Variants in SMARCC1 observed in about 807,000 individuals in gnomAD.
SMARCC1 encodes SWI/SNF complex subunit SMARCC1.
SMARCC1 carries 43 observed loss-of-function variants against 147.4 expected under a neutral mutation model. The ratio of observed to expected loss-of-function variants is 0.29; its 90% CI spans 0.23 to 0.38. The LOEUF (loss-of-function observed/expected upper bound fraction) is 0.38, where lower values mean the gene tolerates loss of function less well. Among genes scored for constraint, SMARCC1 ranks in the 10% least tolerant of loss-of-function variants. The pLI, the probability that SMARCC1 is intolerant of heterozygous loss-of-function variation, is 1.00. For synonymous variants in SMARCC1, 495 were observed against 484.4 expected (o/e 1.02, Z -0.29); for missense variants, 1,119 against 1,381.1 (o/e 0.81, Z 3.01).
At chr3:47,650,980 C>T (rs970014136) in intron 21 of SMARCC1, among the ~76,000 whole-genome samples, 3 of 152,004 alleles carry the variant, frequency 2.0e-5, no homozygotes, top group Non-Finnish European at 2.9e-5. Context: ...TATTCTCAAT[C>T]GAAAAGTTAC....
At chr3:47,754,632 T>G (rs942149341) in intron 2 of SMARCC1, among the ~76,000 whole-genome samples, 12 of 152,260 alleles carry the variant, frequency 7.9e-5, no homozygotes, top group African/African-American at 2.9e-4. Context: ...GTAACACGCA[T>G]TATTTTAAAT....
intron 26 of SMARCC1, among the ~76,000 whole-genome samples, chr3:47,606,978 G>A (rs1011979375): frequency 6.6e-6 from 1 of 151,782 alleles, no homozygotes; most frequent in African/African-American, 2.4e-5. Context: ...GCCTCGCAAA[G>A]TGCTGGGATT....
Position 47,585,345 on chromosome 3 carries a change from G to C in SMARCC1, c.*2864C>G. ...TTGAGAAAGTATAGGAATCTGGTGA[G>C]ACCCAGCTGGCTTTGGCTCTCTTTA... On this transcript the variant is annotated 3_prime_UTR_variant, in exon 28 of 28. Transcript: ENST00000254480. 6.6e-6 allele frequency: 1 copy of C among 152,216 alleles called. No homozygotes were observed. Among genetic ancestry groups the C allele is most frequent in the East Asian group, 1.9e-4 (1 of 5,200 alleles). 9.4% of individuals were successfully genotyped at this position (152,216 alleles called of 1,614,324 possible). A position where few individuals can be genotyped will look rare whatever the true frequency, so the allele number is the denominator to read the frequency against.
At chr3:47,669,945 A>G (rs1459941280) in intron 19 of SMARCC1, among the ~76,000 whole-genome samples, 1 of 152,196 alleles carries the variant, frequency 6.6e-6, no homozygotes, top group African/African-American at 2.4e-5. Flanking sequence ...ATACTAAGAC[A>G]CTACTGCCTT....
chr3:47,613,360 A>G (rs2032589181), intron 25 of SMARCC1, among the ~76,000 whole-genome samples: 1 of 152,156 alleles, frequency 6.6e-6, no homozygotes, highest in Non-Finnish European at 1.5e-5. Context: ...CATAGAAATG[A>G]AACTGGAAGT....
intron 2 of SMARCC1, among the ~76,000 whole-genome samples, chr3:47,747,780 G>A (rs1271764114): frequency 3.3e-5 from 5 of 152,022 alleles, no homozygotes; most frequent in Non-Finnish European, 5.9e-5. Context: ...GCAAGGAAGT[G>A]AAACTTTGTC....
chr3:47,629,735 T>C (rs574702020), intron 24 of SMARCC1, among the ~76,000 whole-genome samples: 2 of 152,206 alleles, frequency 1.3e-5, no homozygotes, highest in South Asian at 4.1e-4. Flanking sequence ...TGGCCCTCTA[T>C]AATAGCCCAG....
chr3:47,652,622 G>GC (rs1553679920), intron 21 of SMARCC1, among the ~76,000 whole-genome samples: 11 of 31,108 alleles, frequency 3.5e-4, no homozygotes, highest in Non-Finnish European at 9.4e-4. Context: ...CCTTGCTTTT[G>GC]CAAAAAAAAA....
At chr3:47,645,112 C>T (rs2033101337) in intron 21 of SMARCC1, among the ~76,000 whole-genome samples, 1 of 152,078 alleles carries the variant, frequency 6.6e-6, no homozygotes, top group Non-Finnish European at 1.5e-5. Flanking sequence ...AAGTGAGACA[C>T]TGTCTCTACA....
At chr3:47,601,979 C>T (rs566184680) in intron 26 of SMARCC1, among the ~76,000 whole-genome samples, 20 of 152,132 alleles carry the variant, frequency 1.3e-4, no homozygotes, top group Admixed American at 6.5e-4. Flanking sequence ...GGATTACAGG[C>T]ATGAGCCACC....
intron 13 of SMARCC1, among the ~76,000 whole-genome samples, chr3:47,686,954 G>A (rs1440555870): frequency 1.3e-5 from 2 of 152,112 alleles, no homozygotes; most frequent in East Asian, 3.9e-4. Context: ...CCACTGCCCT[G>A]CACTCCAGTC....
At chr3:47,638,643 A>G (rs543625492) in intron 22 of SMARCC1, 82 bp downstream of exon 22, 2 of 926,502 alleles carry the variant, frequency 2.2e-6, no homozygotes, top group African/African-American at 3.3e-5. Flanking sequence ...GTCCCCTAAG[A>G]GGGACTCAAA....
chr3:47,639,743 C>CAACG (rs1466294695), intron 21 of SMARCC1, among the ~76,000 whole-genome samples: 1 of 151,880 alleles, frequency 6.6e-6, no homozygotes, highest in Admixed American at 6.6e-5. Context: ...ACCAACCAAC[C>CAACG]AACCAACCAA....
At chr3:47,628,214 T>TA (rs2032840311) in intron 24 of SMARCC1, among the ~76,000 whole-genome samples, 1 of 152,230 alleles carries the variant, frequency 6.6e-6, no homozygotes, top group African/African-American at 2.4e-5. Context: ...CACAATTTCC[T>TA]AACCAAGCTC....
At chr3:47,671,916 T>C (rs1221797127) in intron 18 of SMARCC1, among the ~76,000 whole-genome samples, 4 of 151,972 alleles carry the variant, frequency 2.6e-5, no homozygotes, top group Non-Finnish European at 2.9e-5. Flanking sequence ...ACACACTGCA[T>C]GAAAAAAATT....
intron 22 of SMARCC1, 50 bp from the exon 23 acceptor site, chr3:47,636,186 G>A (rs1261681527): frequency 1.0e-6 from 1 of 985,034 alleles, no homozygotes; most frequent in African/African-American, 1.6e-5. Flanking sequence ...AAAAACCCCA[G>A]ACCTTTTTAT....
At chr3:47,748,007 A>C (rs1274940043) in intron 2 of SMARCC1, among the ~76,000 whole-genome samples, 1 of 151,726 alleles carries the variant, frequency 6.6e-6, no homozygotes, top group African/African-American at 2.4e-5. Context: ...AAAATACAAA[A>C]ATTAGCCAGG....
chr3:47,686,197 G>T, intron 13 of SMARCC1, 27 bp from the exon 14 acceptor site: 1 of 1,592,352 alleles, frequency 6.3e-7, no homozygotes, highest in Admixed American at 1.7e-5. Flanking sequence ...AAAGTTCAAA[G>T]AAAGAAAGAA....
intron 18 of SMARCC1, among the ~76,000 whole-genome samples, chr3:47,672,587 CAAG>C (rs1486456009): frequency 6.6e-6 from 1 of 152,086 alleles, no homozygotes; most frequent in African/African-American, 2.4e-5. Flanking sequence ...TTTGGAGCCC[CAAG>C]AAGAACAAAA....
Sources: gnomAD v4.1 joint callset for allele counts (sites outside exome capture counted in the v4.1 genomes callset) on GRCh38, gnomAD v4.1.1 for gene constraint, MANE v1.5 for transcripts, NCBI Gene and HGNC (gene_info 2026-07-23, HGNC 2026-07-21) for gene names.